The following CFAP299 variants were observed in gnomAD, a reference collection of about 807,000 sequenced individuals.
The protein encoded by CFAP299 is cilia and flagella associated protein 299.
Under a neutral mutation model 27.0 loss-of-function variants are expected in CFAP299, and 21 were observed. That is an observed-to-expected ratio of 0.78 (90% CI 0.55 to 1.12). The LOEUF (loss-of-function observed/expected upper bound fraction) is 1.12. CFAP299 is among the 50% of genes most tolerant of loss of function. The pLI, the probability that CFAP299 is intolerant of heterozygous loss-of-function variation, is 0.00. For synonymous variants in CFAP299, 104 were observed against 98.1 expected (o/e 1.06, Z -0.36); for missense variants, 310 against 276.6 (o/e 1.12, Z -0.86).
At chr4:80,851,591 C>T (rs757363379) in intron 3 of CFAP299, among the ~76,000 whole-genome samples, 1 of 152,060 alleles carries the variant, frequency 6.6e-6, no homozygotes, top group Non-Finnish European at 1.5e-5. Context: ...GCAACCCTGA[C>T]CCATGAACTG....
intron 2 of CFAP299, among the ~76,000 whole-genome samples, chr4:80,487,909 A>G (rs1277390148): frequency 6.6e-6 from 1 of 152,188 alleles, no homozygotes; most frequent in Non-Finnish European, 1.5e-5. Context: ...ATGGAAAAGT[A>G]ATGATGGTTC....
chr4:80,544,262 A>G (rs1734130290), intron 2 of CFAP299, among the ~76,000 whole-genome samples: 1 of 152,200 alleles, frequency 6.6e-6, no homozygotes, highest in Non-Finnish European at 1.5e-5. Context: ...TACTTAAGGG[A>G]ATACCTCATT....
chr4:80,465,022 T>A (rs1284582836), intron 2 of CFAP299, among the ~76,000 whole-genome samples: 1 of 152,158 alleles, frequency 6.6e-6, no homozygotes. Context: ...TTTTAAGGAA[T>A]TAATCAAATT....
At chr4:80,577,416 T>TTG (rs1254631159) in intron 2 of CFAP299, among the ~76,000 whole-genome samples, 7 of 144,436 alleles carry the variant, frequency 4.8e-5, no homozygotes, top group Non-Finnish European at 1.1e-4. Context: ...TTTTTTTTTT[T>TTG]TTTTTGAGAC....
rs141808715 is a variant in CFAP299, at chr4:80,830,191, G to A, written c.334-39802G>A. Among the ~76,000 whole-genome samples, 637 of 152,114 alleles carry A rather than the reference G, an allele frequency of 4.2e-3. 2 individuals carry two copies. The highest frequency in any genetic ancestry group is 0.014 in the Middle Eastern group (4 of 294). ...TGTCACAAAACTAAGAAAAGTTATA[G>A]AATGCCCAGTTGTCAAATAACGAAT... On this transcript the variant is annotated intron_variant, in intron 3 of 5. Coordinates refer to ENST00000358105, the MANE Select transcript of CFAP299 (RefSeq NM_152770.3).
At chr4:80,743,532 A>G (rs1392485429) in intron 3 of CFAP299, among the ~76,000 whole-genome samples, 1 of 152,182 alleles carries the variant, frequency 6.6e-6, no homozygotes, top group East Asian at 1.9e-4. Flanking sequence ...ACAATATAGA[A>G]TGACTTGGTT....
intron 2 of CFAP299, among the ~76,000 whole-genome samples, chr4:80,404,032 G>A (rs1726293481): frequency 6.6e-6 from 1 of 152,190 alleles, no homozygotes; most frequent in Non-Finnish European, 1.5e-5. Context: ...AGCCTAAGAA[G>A]TAAATGATTT....
chr4:80,958,762 T>C (rs1184893172), intron 5 of CFAP299, among the ~76,000 whole-genome samples: 1 of 152,202 alleles, frequency 6.6e-6, no homozygotes, highest in African/African-American at 2.4e-5. Flanking sequence ...GTCCTGGAAA[T>C]CCTGACTCAG....
At chr4:80,547,389 A>G (rs1454560164) in intron 2 of CFAP299, among the ~76,000 whole-genome samples, 2 of 152,228 alleles carry the variant, frequency 1.3e-5, no homozygotes, top group African/African-American at 4.8e-5. Context: ...AAGATGAATT[A>G]AAAATTTAAA....
intron 3 of CFAP299, among the ~76,000 whole-genome samples, chr4:80,718,511 G>C (rs1443633869): frequency 6.6e-6 from 1 of 151,958 alleles, no homozygotes; most frequent in African/African-American, 2.4e-5. Flanking sequence ...AGTTTAGAGA[G>C]TTTAATAAAA....
chr4:80,326,083 T>C, the CFAP299 span, among the ~76,000 whole-genome samples: 2 of 152,254 alleles, frequency 1.3e-5, no homozygotes, highest in South Asian at 2.1e-4. Context: ...CAGTTCTTTC[T>C]GCAACTGTCG....
chr4:80,918,677 G>A (rs761742619), intron 4 of CFAP299, among the ~76,000 whole-genome samples: 9 of 152,046 alleles, frequency 5.9e-5, no homozygotes, highest in African/African-American at 1.7e-4. Context: ...ATTTGTTGCC[G>A]ATCATATCTC....
chr4:80,737,916 G>T (rs187873644), intron 3 of CFAP299, among the ~76,000 whole-genome samples: 54 of 152,166 alleles, frequency 3.5e-4, no homozygotes, highest in Admixed American at 6.5e-4. Flanking sequence ...AGAGATTTTG[G>T]TATGTTGAGT....
intron 3 of CFAP299, among the ~76,000 whole-genome samples, chr4:80,720,377 G>T (rs1268565882): frequency 6.6e-6 from 1 of 152,118 alleles, no homozygotes; most frequent in Non-Finnish European, 1.5e-5. Flanking sequence ...TTTTACCTCA[G>T]CAATGGAGAA....
intron 2 of CFAP299, among the ~76,000 whole-genome samples, chr4:80,375,653 G>C (rs114860041): frequency 6.6e-6 from 1 of 152,226 alleles, no homozygotes. Context: ...AAAGTGTGGA[G>C]GCAAGGTTGA....
intron 3 of CFAP299, among the ~76,000 whole-genome samples, chr4:80,858,605 T>C (rs1418414220): frequency 6.6e-6 from 1 of 152,226 alleles, no homozygotes; most frequent in Non-Finnish European, 1.5e-5. Flanking sequence ...TCTGGTATGT[T>C]GTGTCTTTGT....
At chr4:80,842,238 A>T (rs1730901555) in intron 3 of CFAP299, among the ~76,000 whole-genome samples, 2 of 152,286 alleles carry the variant, frequency 1.3e-5, no homozygotes, top group South Asian at 4.1e-4. Context: ...CATCTTCTAC[A>T]GGTGAACTCA....
intron 4 of CFAP299, among the ~76,000 whole-genome samples, chr4:80,898,451 G>T (rs1401961645): frequency 6.6e-6 from 1 of 151,964 alleles, no homozygotes; most frequent in Non-Finnish European, 1.5e-5. Flanking sequence ...CTGAACCTGG[G>T]GTTTTTATGG....
chr4:80,814,016 T>A (rs1729296200), intron 3 of CFAP299, among the ~76,000 whole-genome samples: 1 of 152,076 alleles, frequency 6.6e-6, no homozygotes, highest in Admixed American at 6.6e-5. Flanking sequence ...CGTATATTAT[T>A]CTACATCTTC....
Sources: allele counts gnomAD v4.1 joint callset (sites outside exome capture counted in the v4.1 genomes callset), GRCh38; gene constraint gnomAD v4.1.1; transcripts MANE v1.5; gene names NCBI Gene and HGNC (gene_info 2026-07-23, HGNC 2026-07-21).